Variants in SERPINF1 observed in about 807,000 individuals in gnomAD.
SERPINF1 encodes the protein pigment epithelium-derived factor.
Under a neutral mutation model 37.3 loss-of-function variants are expected in SERPINF1, and 29 were observed. That is an observed-to-expected ratio of 0.78 (90% CI 0.58 to 1.06). SERPINF1 has a LOEUF of 1.06. Among genes scored for constraint, SERPINF1 ranks in the 50% least tolerant of loss-of-function variants. SERPINF1 has a pLI of 0.00. For missense variants in SERPINF1, 553 were observed against 532.2 expected, an observed-to-expected ratio of 1.04 and a Z score of -0.38; for synonymous variants, 281 against 227.9, an observed-to-expected ratio of 1.23 and a Z score of -2.10.
At chr17:1,772,408 G>A (rs144047618) in intron 5 of SERPINF1, among the ~76,000 whole-genome samples, 40 of 151,946 alleles carry the variant, frequency 2.6e-4, no homozygotes, top group East Asian at 1.4e-3. Flanking sequence ...GAGCCACCAC[G>A]CCCAGCCCTT....
At chr17:1,766,155 T>G (rs971727016) in intron 1 of SERPINF1, 1 of 152,172 alleles carries the variant, frequency 6.6e-6, no homozygotes, top group Non-Finnish European at 1.5e-5. Context: ...CCGGAGTGGG[T>G]CAGCTGCCTC....
chr17:1,771,688 TCTG>T (rs1254068629), intron 4 of SERPINF1, 181 bp from the exon 5 acceptor site: 9 of 660,296 alleles, frequency 1.4e-5, no homozygotes, highest in African/African-American at 5.4e-5. Flanking sequence ...TGTGGGGAAA[TCTG>T]CTGCCCCCCT....
chr17:1,765,143 C>T (rs1471162649), intron 1 of SERPINF1, among the ~76,000 whole-genome samples: 15 of 124,794 alleles, frequency 1.2e-4, no homozygotes, highest in African/African-American at 4.0e-4. Context: ...TGCGCCTGGC[C>T]TTTTTTTTTT....
chr17:1,769,602 T>C (rs1907591425), intron 2 of SERPINF1: 1 of 547,034 alleles, frequency 1.8e-6, no homozygotes, highest in East Asian at 3.2e-5. Context: ...CTAGCCTGGG[T>C]GACACAGTAA....
intron 5 of SERPINF1, among the ~76,000 whole-genome samples, chr17:1,774,695 C>T (rs2151211260): frequency 6.6e-6 from 1 of 152,276 alleles, no homozygotes; most frequent in East Asian, 1.9e-4. Context: ...CTCCTGACCT[C>T]AAGTGATCCA....
At chr17:1,770,240 C>T (rs1349019618) in intron 3 of SERPINF1, among the ~76,000 whole-genome samples, 190 bp downstream of exon 3, 2 of 152,154 alleles carry the variant, frequency 1.3e-5, no homozygotes, top group East Asian at 1.9e-4. Flanking sequence ...CCCAGCTCCC[C>T]GAAAGGGGCT....
rs369948749 is a variant in SERPINF1, at chr17:1,777,439, G to A, written c.1250G>A (p.Gly417Asp). The A allele has an allele frequency of 1.9e-6, 3 of 1,613,970 alleles. No homozygotes were observed. Among genetic ancestry groups the A allele is most frequent in the South Asian group, 1.1e-5 (1 of 91,078 alleles). Residue 417 changes from glycine to aspartate, a missense_variant, in exon 8 of 8, where the codon GGC becomes GAC. Transcript: ENST00000254722. ...ATTGGCAAGATTCTGGACCCCAGGGGCCCCTAATATCCCAGTTTAATATTC... is the reference window on the plus strand; with the variant it reads ...ATTGGCAAGATTCTGGACCCCAGGGACCCCTAATATCCCAGTTTAATATTC... ...LFIGKILDPRGP is the reference protein window; with the variant it reads ...LFIGKILDPRDP
In SERPINF1 at chr17:1,771,129, G is replaced by C. The variant is rs566486609; in HGVS notation, c.384G>C (p.Thr128=). The part of the protein sequence containing the change: ...IHGTYKELLD[T]VTAPQKNLKS... Reference sequence around the variant, plus strand: ...GTACCTATAAGGAGCTCCTTGACACGGTCACTGCCCCCCAGAAGAACCTCA... The same window carrying C: ...GTACCTATAAGGAGCTCCTTGACACCGTCACTGCCCCCCAGAAGAACCTCA... The change falls in exon 4 of 8, where the codon ACG becomes ACC. Residue 128 remains threonine, a synonymous_variant. Transcript: ENST00000254722. 1 of 1,614,032 alleles carries C rather than the reference G, an allele frequency of 6.2e-7. No homozygotes were observed. The highest frequency in any genetic ancestry group is 1.1e-5 in the South Asian group (1 of 91,072).
rs556914281 is a variant in SERPINF1, at chr17:1,772,579, GAC to G, written c.643+506_643+507del. On this transcript the variant is annotated intron_variant, in intron 5 of 7. Coordinates refer to ENST00000254722, the MANE Select transcript of SERPINF1 (RefSeq NM_002615.7). Reference sequence around the variant, plus strand: ...TTACATTTATTTATTTATTTTTTGAGACAGAGTCTTGCTCTGTCACCCAGGCT... The same window carrying G: ...TTACATTTATTTATTTATTTTTTGAGAGAGTCTTGCTCTGTCACCCAGGCT... Among the ~76,000 whole-genome samples the G allele has an allele frequency of 9.4e-5, 13 of 138,662 alleles. No homozygotes were observed. The South Asian group carries it at 2.8e-3, about 29-fold the overall frequency. The allele number at this position is 138,662 out of a possible 152,430, so 91.0% of individuals were successfully genotyped here.
At chr17:1,775,841 G>T (rs1176604870) in intron 6 of SERPINF1, among the ~76,000 whole-genome samples, 2 of 152,192 alleles carry the variant, frequency 1.3e-5, no homozygotes, top group Admixed American at 1.3e-4. Flanking sequence ...GCCAATCGTT[G>T]GCATTCTAAG....
At chr17:1,770,132 G>C in intron 3 of SERPINF1, 82 bp downstream of exon 3, 2 of 1,489,726 alleles carry the variant, frequency 1.3e-6, no homozygotes, top group Non-Finnish European at 1.8e-6. Flanking sequence ...TGAGTTTATT[G>C]ACATTTCAGT....
intron 6 of SERPINF1, 34 bp downstream of exon 6, chr17:1,775,234 T>G: frequency 6.2e-7 from 1 of 1,601,158 alleles, no homozygotes. Flanking sequence ...GGGGGGTGGA[T>G]GGAGGGAGAG....
At chr17:1,765,687 G>A (rs1907329355) in intron 1 of SERPINF1, among the ~76,000 whole-genome samples, 1 of 151,948 alleles carries the variant, frequency 6.6e-6, no homozygotes, top group African/African-American at 2.4e-5. Flanking sequence ...GTGATTTAAA[G>A]AGCTACTAAG....
chr17:1,769,660 G>C (rs911162773), intron 2 of SERPINF1, 192 bp from the exon 3 acceptor site: 8 of 648,116 alleles, frequency 1.2e-5, no homozygotes, highest in Admixed American at 5.0e-5. Context: ...CTTCTGCGCT[G>C]TCTCTCCACA....
chr17:1,773,733 G>C (rs1907875724), intron 5 of SERPINF1, among the ~76,000 whole-genome samples: 1 of 152,196 alleles, frequency 6.6e-6, no homozygotes, highest in Non-Finnish European at 1.5e-5. Context: ...GACATGGCAG[G>C]TGGCCAACGA....
intron 1 of SERPINF1, among the ~76,000 whole-genome samples, chr17:1,766,075 C>A (rs1597346593): frequency 6.6e-6 from 1 of 152,022 alleles, no homozygotes; most frequent in Non-Finnish European, 1.5e-5. Context: ...TGCTTGGTAT[C>A]CGGTGATTCC....
chr17:1,764,379 C>G (rs1410894359), intron 1 of SERPINF1, among the ~76,000 whole-genome samples: 1 of 152,212 alleles, frequency 6.6e-6, no homozygotes, highest in Non-Finnish European at 1.5e-5. Context: ...CTGGCCCCAG[C>G]CGGGTGGAGA....
chr17:1,768,980 G>T (rs1907556182), intron 2 of SERPINF1, among the ~76,000 whole-genome samples: 1 of 150,958 alleles, frequency 6.6e-6, no homozygotes, highest in East Asian at 2.0e-4. Context: ...TAATTTTTTT[G>T]TATTTTTAGT....
intron 5 of SERPINF1, among the ~76,000 whole-genome samples, chr17:1,773,130 A>C (rs1434219373): frequency 6.6e-6 from 1 of 152,160 alleles, no homozygotes; most frequent in Non-Finnish European, 1.5e-5. Flanking sequence ...CATCAAATCC[A>C]AGGCAAGGCG....
Sources: gnomAD v4.1 joint callset for allele counts (sites outside exome capture counted in the v4.1 genomes callset) on GRCh38, gnomAD v4.1.1 for gene constraint, MANE v1.5 for transcripts, NCBI Gene and HGNC (gene_info 2026-07-23, HGNC 2026-07-21) for gene names.